The following NAALADL2 variants were observed in gnomAD, a reference collection of about 807,000 sequenced individuals.
NAALADL2 encodes inactive N-acetylated-alpha-linked acidic dipeptidase-like protein 2.
Under a neutral mutation model 87.2 loss-of-function variants are expected in NAALADL2, and 76 were observed. The ratio of observed to expected loss-of-function variants is 0.87; its 90% CI spans 0.72 to 1.05. NAALADL2 has a LOEUF of 1.05. NAALADL2 is among the 50% of genes least tolerant of loss of function. The probability of loss-of-function intolerance (pLI) is 0.00; values close to 1 mark genes in which losing one functional copy is unlikely to be tolerated. For synonymous variants in NAALADL2, 354 were observed against 331.0 expected (o/e 1.07, Z -0.75); for missense variants, 1,089 against 945.8 (o/e 1.15, Z -1.99).
At chr3:175,210,542 T>G in intron 2 of NAALADL2, among the ~76,000 whole-genome samples, 1 of 151,876 alleles carries the variant, frequency 6.6e-6, no homozygotes, top group African/African-American at 2.4e-5. Context: ...TATTAAATCT[T>G]ACTTATATTG....
Position 175,648,049 on chromosome 3 carries a change from G to A in NAALADL2, c.1896+20663G>A, listed in dbSNP as rs9290565. On this transcript the variant is annotated intron_variant, in intron 11 of 13. Coordinates refer to ENST00000454872, the MANE Select transcript of NAALADL2 (RefSeq NM_207015.3). ...GTTTTGTCTTTCCATTCTGTCTCGT[G>A]CCAGCTTGTCATATCCCAGTTCACA... is the stretch of plus-strand genomic sequence containing the variant. Among the ~76,000 whole-genome samples the A allele has an allele frequency of 9.0e-3, 1,364 of 152,274 alleles. 12 individuals carry two copies. Among genetic ancestry groups the A allele is most frequent in the African/African-American group, 0.031 (1,291 of 41,558 alleles).
chr3:174,885,087 T>C (rs1175297573), intron 1 of NAALADL2, among the ~76,000 whole-genome samples: 1 of 152,112 alleles, frequency 6.6e-6, no homozygotes, highest in East Asian at 1.9e-4. Flanking sequence ...CAAAAAAGTT[T>C]CATCACAGTT....
chr3:174,528,700 G>A (rs1295835959), intron 1 of NAALADL2, among the ~76,000 whole-genome samples: 3 of 152,144 alleles, frequency 2.0e-5, no homozygotes, highest in African/African-American at 4.8e-5. Flanking sequence ...CATGGCTGGC[G>A]AGACCTCACA....
chr3:175,520,755 C>T (rs1407700175), intron 9 of NAALADL2, among the ~76,000 whole-genome samples: 1 of 152,084 alleles, frequency 6.6e-6, no homozygotes, highest in Non-Finnish European at 1.5e-5. Flanking sequence ...TCACATATGG[C>T]AAAGGGATTA....
At chr3:174,560,310 T>TA (rs1393561166) in intron 2 of NAALADL2, among the ~76,000 whole-genome samples, 2 of 152,138 alleles carry the variant, frequency 1.3e-5, no homozygotes, top group Non-Finnish European at 2.9e-5. Context: ...TTAATGACAA[T>TA]AGGTACAAAA....
At chr3:174,930,769 C>A (rs1365449805) in intron 1 of NAALADL2, among the ~76,000 whole-genome samples, 1 of 151,238 alleles carries the variant, frequency 6.6e-6, no homozygotes, top group East Asian at 2.0e-4. Flanking sequence ...CTACAGGCAC[C>A]CGCCACCATT....
chr3:174,641,375 T>C (rs889277014), intron 2 of NAALADL2, among the ~76,000 whole-genome samples: 3 of 152,176 alleles, frequency 2.0e-5, no homozygotes, highest in Admixed American at 2.0e-4. Context: ...TTTGGTGATT[T>C]CACTAGAAGG....
intron 13 of NAALADL2, among the ~76,000 whole-genome samples, chr3:175,795,301 C>T (rs1753322050): frequency 6.6e-6 from 1 of 152,116 alleles, no homozygotes; most frequent in Admixed American, 6.5e-5. Flanking sequence ...GTAATGCATA[C>T]CTCATGGGGA....
intron 11 of NAALADL2, among the ~76,000 whole-genome samples, chr3:175,665,903 C>A (rs1043135807): frequency 2.6e-5 from 4 of 152,056 alleles, no homozygotes; most frequent in Non-Finnish European, 5.9e-5. Context: ...TGCACTCCAG[C>A]CTGGCAACAG....
intron 1 of NAALADL2, among the ~76,000 whole-genome samples, chr3:174,960,087 A>C (rs531175105): frequency 2.8e-4 from 42 of 152,140 alleles, no homozygotes; most frequent in African/African-American, 1.0e-3. Context: ...GGAGTAGCAG[A>C]AGCTGTTTTA....
At chr3:175,725,615 A>C (rs1343485369) in intron 11 of NAALADL2, among the ~76,000 whole-genome samples, 1 of 152,116 alleles carries the variant, frequency 6.6e-6, no homozygotes, top group Non-Finnish European at 1.5e-5. Flanking sequence ...TATTTGCTAA[A>C]ATTAGAAAAG....
chr3:174,913,751 A>G (rs892016210), intron 1 of NAALADL2, among the ~76,000 whole-genome samples: 8 of 152,168 alleles, frequency 5.3e-5, no homozygotes, highest in African/African-American at 1.4e-4. Context: ...TTCTTTCTCT[A>G]TATCTGCTGA....
At chr3:175,753,262 T>A (rs1473789337) in intron 12 of NAALADL2, among the ~76,000 whole-genome samples, 50 of 152,168 alleles carry the variant, frequency 3.3e-4, no homozygotes, top group Admixed American at 3.3e-3. Context: ...AACTAGATTG[T>A]GGGATATTGA....
chr3:174,954,487 GA>G (rs1038624957), intron 1 of NAALADL2, among the ~76,000 whole-genome samples: 5 of 152,026 alleles, frequency 3.3e-5, no homozygotes, highest in Non-Finnish European at 5.9e-5. Context: ...GATATCCTAT[GA>G]AAAAGAATAA....
chr3:175,000,955 G>A (rs77613962), intron 1 of NAALADL2, among the ~76,000 whole-genome samples: 2,975 of 152,298 alleles, frequency 0.02, 83 homozygotes, highest in African/African-American at 0.067. Flanking sequence ...CTATATCACA[G>A]AAATGACCTT....
At position 175,201,877 on chromosome 3, in the gene NAALADL2, G is replaced by C. The variant is rs7618302; in HGVS notation, c.546-32054G>C. Among the ~76,000 whole-genome samples, 294 of 151,978 alleles carry C rather than the reference G, an allele frequency of 1.9e-3. 1 individual carries two copies. The highest frequency in any genetic ancestry group is 6.8e-3 in the African/African-American group (281 of 41,460). ...GAGGAAAATTTGGAGGAGGTAGTGG[G>C]ATTAATAGAAATACCTATTAATCTG... is the stretch of plus-strand genomic sequence containing the variant. On this transcript the variant is annotated intron_variant, in intron 2 of 13. Transcript: ENST00000454872.
chr3:175,457,555 T>G (rs764648090), intron 6 of NAALADL2, among the ~76,000 whole-genome samples: 62 of 152,116 alleles, frequency 4.1e-4, no homozygotes, highest in Non-Finnish European at 7.5e-4. Context: ...TAAGACAGTT[T>G]CACTCTGTCA....
chr3:175,147,876 C>T (rs1730977051), intron 2 of NAALADL2, among the ~76,000 whole-genome samples: 1 of 151,850 alleles, frequency 6.6e-6, no homozygotes, highest in Non-Finnish European at 1.5e-5. Flanking sequence ...TCGAGACAAG[C>T]CTGACCAACA....
intron 9 of NAALADL2, among the ~76,000 whole-genome samples, chr3:175,524,358 A>G (rs1471165282): frequency 7.2e-5 from 11 of 152,172 alleles, no homozygotes; most frequent in Admixed American, 4.6e-4. Context: ...AAGATCTTTG[A>G]ATAATGATCT....
Sources: gnomAD v4.1 joint callset for allele counts (sites outside exome capture counted in the v4.1 genomes callset) on GRCh38, gnomAD v4.1.1 for gene constraint, MANE v1.5 for transcripts, NCBI Gene and HGNC (gene_info 2026-07-23, HGNC 2026-07-21) for gene names.